SPOCK3: variants seen among roughly 807,000 people sequenced by gnomAD.
The protein encoded by SPOCK3 is SPARC (osteonectin), cwcv and kazal like domains proteoglycan 3.
SPOCK3 carries 30 observed loss-of-function variants against 56.6 expected under a neutral mutation model. That is an observed-to-expected ratio of 0.53 (90% CI 0.40 to 0.72). SPOCK3 has a LOEUF of 0.72. Ranked by LOEUF, SPOCK3 falls within the 30% of genes least tolerant of loss-of-function variation. SPOCK3 has a pLI of 0.00. For missense variants in SPOCK3, 527 were observed against 530.0 expected, an observed-to-expected ratio of 0.99 and a Z score of 0.06; for synonymous variants, 196 against 183.3, an observed-to-expected ratio of 1.07 and a Z score of -0.56.
chr4:166,877,533 T>A (rs1177897655), intron 6 of SPOCK3, among the ~76,000 whole-genome samples: 2 of 152,172 alleles, frequency 1.3e-5, no homozygotes, highest in Non-Finnish European at 2.9e-5. Flanking sequence ...TCAAGTGCTA[T>A]TAAATACTAG....
At chr4:166,800,287 T>A (rs1214010813) in intron 6 of SPOCK3, among the ~76,000 whole-genome samples, 1 of 150,950 alleles carries the variant, frequency 6.6e-6, no homozygotes, top group Non-Finnish European at 1.5e-5. Flanking sequence ...TACAAGCGAA[T>A]TTATGATTTA....
At chr4:166,924,252 G>A (rs991015811) in intron 4 of SPOCK3, among the ~76,000 whole-genome samples, 2 of 152,090 alleles carry the variant, frequency 1.3e-5, no homozygotes, top group Non-Finnish European at 1.5e-5. Context: ...GGTAGGTTCA[G>A]CCTATCAAAG....
At chr4:167,228,181 T>TAA (rs1170715666) in intron 2 of SPOCK3, among the ~76,000 whole-genome samples, 1 of 152,150 alleles carries the variant, frequency 6.6e-6, no homozygotes, top group Non-Finnish European at 1.5e-5. Context: ...GCACAATATA[T>TAA]AATTGCCTCT....
intron 6 of SPOCK3, among the ~76,000 whole-genome samples, chr4:166,842,911 T>A (rs908711323): frequency 2.6e-5 from 4 of 152,154 alleles, no homozygotes; most frequent in Admixed American, 1.3e-4. Context: ...CGAGGGGGTT[T>A]GGGCTGCGGG....
chr4:167,223,085 AAT>A (rs1181057142), intron 2 of SPOCK3, among the ~76,000 whole-genome samples: 14 of 107,524 alleles, frequency 1.3e-4, no homozygotes, highest in Non-Finnish European at 2.3e-4. Flanking sequence ...TTTATATATG[AAT>A]ATATATTTTA....
chr4:167,038,831 C>A (rs1752999081), intron 3 of SPOCK3, among the ~76,000 whole-genome samples: 1 of 151,980 alleles, frequency 6.6e-6, no homozygotes, highest in African/African-American at 2.4e-5. Flanking sequence ...AAAATCAAAA[C>A]TAGGCATTCA....
intron 3 of SPOCK3, among the ~76,000 whole-genome samples, chr4:167,003,926 C>T (rs1749202804): frequency 6.6e-6 from 1 of 152,078 alleles, no homozygotes; most frequent in South Asian, 2.1e-4. Flanking sequence ...TTTTTTAGTC[C>T]AGAATTTTTC....
intron 2 of SPOCK3, among the ~76,000 whole-genome samples, chr4:167,087,432 ATTGACG>A (rs1758299297): frequency 6.6e-6 from 1 of 152,188 alleles, no homozygotes; most frequent in Non-Finnish European, 1.5e-5. Context: ...TAACAAATAT[ATTGACG>A]TTACAGTAAG....
intron 7 of SPOCK3, among the ~76,000 whole-genome samples, chr4:166,768,016 G>GC (rs375422732): frequency 0.28 from 36,489 of 132,608 alleles, 5,298 homozygotes; most frequent in African/African-American, 0.44. Flanking sequence ...TGCAAACCCT[G>GC]CTTTTTTTGT....
chr4:166,859,106 A>G (rs542937777), intron 6 of SPOCK3, among the ~76,000 whole-genome samples: 1 of 152,180 alleles, frequency 6.6e-6, no homozygotes, highest in African/African-American at 2.4e-5. Context: ...TACAGTATTC[A>G]GTGCAGTTAC....
At chr4:167,203,240 A>T (rs552654045) in intron 2 of SPOCK3, among the ~76,000 whole-genome samples, 3 of 152,018 alleles carry the variant, frequency 2.0e-5, no homozygotes, top group Admixed American at 6.6e-5. Context: ...ATGTATTAGA[A>T]ATCCAATGTT....
chr4:167,010,513 C>A (rs1749927054), intron 3 of SPOCK3, among the ~76,000 whole-genome samples: 1 of 84,296 alleles, frequency 1.2e-5, no homozygotes, highest in Non-Finnish European at 2.2e-5. Context: ...CAGTGAGACT[C>A]TGTCTCAAAA....
At chr4:166,907,559 A>T (rs1003387322) in intron 5 of SPOCK3, among the ~76,000 whole-genome samples, 1 of 152,214 alleles carries the variant, frequency 6.6e-6, no homozygotes, top group East Asian at 1.9e-4. Context: ...ACAAGAGAGG[A>T]TGTATTTTGT....
chr4:166,941,085 G>A (rs1741006761), intron 4 of SPOCK3, among the ~76,000 whole-genome samples: 1 of 152,040 alleles, frequency 6.6e-6, no homozygotes, highest in Admixed American at 6.5e-5. Context: ...CAAGAACCAA[G>A]GTGTCACATT....
chr4:166,999,835 A>G (rs1310719001), intron 4 of SPOCK3, among the ~76,000 whole-genome samples: 3 of 152,082 alleles, frequency 2.0e-5, no homozygotes, highest in Non-Finnish European at 4.4e-5. Context: ...GAAATTGTGA[A>G]TCAGCATCCA....
At chr4:166,738,150 G>T (rs1347405815) in intron 9 of SPOCK3, among the ~76,000 whole-genome samples, 1 of 152,078 alleles carries the variant, frequency 6.6e-6, no homozygotes, top group African/African-American at 2.4e-5. Context: ...TCCACTTTAA[G>T]ATTTGACATA....
chr4:166,790,465 C>T (rs1410982547), intron 7 of SPOCK3, among the ~76,000 whole-genome samples: 1 of 152,176 alleles, frequency 6.6e-6, no homozygotes, highest in Non-Finnish European at 1.5e-5. Context: ...TAATGGATAA[C>T]TTCCCTTTGG....
At chr4:166,924,072 T>C (rs957772109) in intron 4 of SPOCK3, among the ~76,000 whole-genome samples, 2 of 152,186 alleles carry the variant, frequency 1.3e-5, no homozygotes, top group African/African-American at 4.8e-5. Context: ...ACAGGCTTTG[T>C]GACATCCAAG....
chr4:167,081,883 C>T (rs777220245), intron 2 of SPOCK3, among the ~76,000 whole-genome samples: 1 of 151,656 alleles, frequency 6.6e-6, no homozygotes, highest in Non-Finnish European at 1.5e-5. Flanking sequence ...AAAGAACTGG[C>T]CAACTTCTGT....
Sources: allele counts gnomAD v4.1 joint callset (sites outside exome capture counted in the v4.1 genomes callset), GRCh38; gene constraint gnomAD v4.1.1; transcripts MANE v1.5; gene names NCBI Gene and HGNC (gene_info 2026-07-23, HGNC 2026-07-21).